CDH8: variants seen among roughly 807,000 people sequenced by gnomAD.
CDH8 encodes the protein cadherin 8, also known as cadherin-8.
CDH8 carries 17 observed loss-of-function variants against 68.1 expected under a neutral mutation model. The ratio of observed to expected loss-of-function variants is 0.25; its 90% CI spans 0.17 to 0.37. CDH8 has a LOEUF of 0.37. Among genes scored for constraint, CDH8 ranks in the 10% least tolerant of loss-of-function variants. The pLI, the probability that CDH8 is intolerant of heterozygous loss-of-function variation, is 1.00. For synonymous variants in CDH8, 372 were observed against 365.1 expected (o/e 1.02, Z -0.21); for missense variants, 763 against 999.3 (o/e 0.76, Z 3.19).
At chr16:61,888,610 T>G (rs1351878224) in intron 3 of CDH8, among the ~76,000 whole-genome samples, 3 of 152,144 alleles carry the variant, frequency 2.0e-5, no homozygotes, top group Non-Finnish European at 4.4e-5. Context: ...AATAATAAAA[T>G]TCACCTCCTA....
intron 8 of CDH8, among the ~76,000 whole-genome samples, chr16:61,782,702 GA>G (rs1444671070): frequency 6.6e-6 from 1 of 152,158 alleles, no homozygotes; most frequent in African/African-American, 2.4e-5. Context: ...TGACAGCTTT[GA>G]AGAGAGCAGT....
intron 3 of CDH8, among the ~76,000 whole-genome samples, chr16:61,883,589 A>T (rs1219393838): frequency 6.6e-6 from 1 of 151,712 alleles, no homozygotes; most frequent in Non-Finnish European, 1.5e-5. Context: ...TTTAAATCAA[A>T]ATTCATATGA....
Position 61,821,097 on chromosome 16 carries a change from T to C in CDH8, c.852A>G (p.Ser284=). 14 of 1,610,804 alleles carry C rather than the reference T, an allele frequency of 8.7e-6. No individual in the cohort carries two copies. Among genetic ancestry groups the C allele is most frequent in the Non-Finnish European group, 1.2e-5 (14 of 1,178,002 alleles). The change falls in exon 6 of 12, where the codon TCA becomes TCG. Residue 284 remains serine (S), a synonymous_variant. Transcript: ENST00000577390. ...TGCCAAGAACCACATCTTCCGGTAC[T>C]GAGAAGTGATACAGGCCTTTAAAAA... is the stretch of plus-strand genomic sequence containing the variant. ...PKFAQSLYHF[S]VPEDVVLGTA...
intron 3 of CDH8, among the ~76,000 whole-genome samples, chr16:61,889,963 T>C (rs1158291525): frequency 6.6e-6 from 1 of 152,172 alleles, no homozygotes. Flanking sequence ...TAAGTGCAGA[T>C]TGACTGATTT....
intron 10 of CDH8, among the ~76,000 whole-genome samples, chr16:61,709,876 T>C (rs1386216975): frequency 1.3e-5 from 2 of 152,176 alleles, no homozygotes; most frequent in Admixed American, 1.3e-4. Context: ...TAGAATGCAA[T>C]ACATTGCAGT....
intron 8 of CDH8, among the ~76,000 whole-genome samples, chr16:61,772,715 T>C (rs899042771): frequency 2.4e-4 from 37 of 152,060 alleles, no homozygotes; most frequent in African/African-American, 8.7e-4. Context: ...GAATTAAGAC[T>C]GCGGGGATTA....
intron 3 of CDH8, among the ~76,000 whole-genome samples, chr16:61,860,449 T>C (rs1417464990): frequency 1.3e-5 from 2 of 152,082 alleles, no homozygotes; most frequent in African/African-American, 2.4e-5. Context: ...GAATGAATAA[T>C]AAGAAAAAGA....
At chr16:62,006,294 G>A (rs1013854466) in intron 2 of CDH8, among the ~76,000 whole-genome samples, 8 of 152,248 alleles carry the variant, frequency 5.3e-5, no homozygotes, top group South Asian at 2.1e-4. Flanking sequence ...GAGCCCTTCC[G>A]TGTGTAAAGA....
At chr16:61,726,681 C>A in intron 9 of CDH8, 1 of 238,442 alleles carries the variant, frequency 4.2e-6, no homozygotes, top group Non-Finnish European at 8.0e-6. Flanking sequence ...AACCACTGGC[C>A]TTCTTGGGTT....
chr16:61,768,708 C>CAAG (rs1267718539), intron 8 of CDH8, among the ~76,000 whole-genome samples: 3 of 151,558 alleles, frequency 2.0e-5, no homozygotes, highest in Non-Finnish European at 3.0e-5. Context: ...TACTCCATAC[C>CAAG]AAGAATCCTA....
At chr16:61,835,682 G>A (rs1307741860) in intron 4 of CDH8, among the ~76,000 whole-genome samples, 1 of 151,854 alleles carries the variant, frequency 6.6e-6, no homozygotes, top group Non-Finnish European at 1.5e-5. Flanking sequence ...TCAATCAAGT[G>A]GAATTATTTC....
intron 9 of CDH8, among the ~76,000 whole-genome samples, chr16:61,719,024 T>C (rs992411650): frequency 2.0e-5 from 3 of 151,238 alleles, no homozygotes; most frequent in Admixed American, 2.0e-4. Flanking sequence ...AGTTCATATC[T>C]AATCAAAATA....
chr16:61,713,973 T>C lies in CDH8; in HGVS notation c.1537-15A>G. 6.9e-7 allele frequency: 1 copy of C among 1,448,708 alleles called. No individual in the cohort carries two copies. The highest frequency in any genetic ancestry group is 9.7e-7 in the Non-Finnish European group (1 of 1,030,270). The allele number at this position is 1,448,708 out of a possible 1,614,324, so 89.7% of individuals were successfully genotyped here. A position where few individuals can be genotyped will look rare whatever the true frequency, so the allele number is the denominator to read the frequency against. ...GTTTGAATGACCTGAAACATAAAAC[T>C]TGACGTCAGCATTTCTGATGATTTC... is the stretch of plus-strand genomic sequence containing the variant. On this transcript the variant is annotated splice_polypyrimidine_tract_variant and intron_variant, in intron 9 of 11. Transcript: ENST00000577390.
At position 61,981,843 on chromosome 16, in the gene CDH8, G is replaced by C. The variant is rs529441801; in HGVS notation, c.252+39309C>G. Among the ~76,000 whole-genome samples, 482 of 152,218 alleles carry C rather than the reference G, an allele frequency of 3.2e-3. 4 individuals are homozygous for C. Among genetic ancestry groups the C allele is most frequent in the African/African-American group, 0.011 (458 of 41,540 alleles). On this transcript the variant is annotated intron_variant, in intron 2 of 11. Transcript: ENST00000577390. ...TTGCAACCAGAAAATAAATGGTCTT[G>C]TCTGTGTTATTAAGGTTTTTAAGGT...
At chr16:61,827,088 A>G (rs1962353371) in intron 4 of CDH8, among the ~76,000 whole-genome samples, 1 of 151,896 alleles carries the variant, frequency 6.6e-6, no homozygotes, top group African/African-American at 2.4e-5. Flanking sequence ...TAAGCAAAAA[A>G]CAGCAACAAA....
At chr16:61,978,024 C>CT (rs1319945417) in intron 2 of CDH8, among the ~76,000 whole-genome samples, 23 of 152,088 alleles carry the variant, frequency 1.5e-4, no homozygotes, top group African/African-American at 5.6e-4. Context: ...CATGAAATAG[C>CT]TTTTTTTCAT....
chr16:61,938,660 T>C (rs890041473), intron 2 of CDH8, among the ~76,000 whole-genome samples: 3 of 152,328 alleles, frequency 2.0e-5, no homozygotes, highest in Non-Finnish European at 1.5e-5. Flanking sequence ...TTGTTAGTCA[T>C]AGCTGAGAAA....
intron 7 of CDH8, among the ~76,000 whole-genome samples, chr16:61,791,376 G>T (rs530500731): frequency 3.1e-4 from 47 of 152,070 alleles, no homozygotes; most frequent in African/African-American, 1.1e-3. Flanking sequence ...AATAATGATG[G>T]CTGATTCAAC....
chr16:61,934,478 G>A (rs531184309), intron 2 of CDH8, among the ~76,000 whole-genome samples: 230 of 152,158 alleles, frequency 1.5e-3, no homozygotes, highest in African/African-American at 5.3e-3. Context: ...TTAAGAACAT[G>A]GGTTGTATGT....
Sources: gnomAD v4.1 joint callset for allele counts (sites outside exome capture counted in the v4.1 genomes callset) on GRCh38, gnomAD v4.1.1 for gene constraint, MANE v1.5 for transcripts, NCBI Gene and HGNC (gene_info 2026-07-23, HGNC 2026-07-21) for gene names.